The following CSMD3 variants were observed in gnomAD, a reference collection of about 807,000 sequenced individuals.
CSMD3 encodes the protein CUB and Sushi multiple domains 3.
Under a neutral mutation model 435.2 loss-of-function variants are expected in CSMD3, and 177 were observed. That is an observed-to-expected ratio of 0.41 (90% confidence interval 0.36 to 0.46). The LOEUF is 0.46. CSMD3 is among the 20% of genes least tolerant of loss of function. CSMD3 has a pLI of 0.34. For missense variants in CSMD3, 4,265 were observed against 4,504.6 expected, an observed-to-expected ratio of 0.95 and a Z score of 1.52; for synonymous variants, 1,656 against 1,520.5, an observed-to-expected ratio of 1.09 and a Z score of -2.07.
rs548885995 is a variant in CSMD3 at position 113,259,716 on chromosome 8, A to C, written c.514+18876T>G. On this transcript the variant is annotated intron_variant, in intron 3 of 70. Coordinates refer to ENST00000297405, the MANE Select transcript of CSMD3 (RefSeq NM_198123.2). ...ATGGGGCATCCTGGGAGGGAAAGCT[A>C]TGAAAATGCTTTAAGGAGTGTTAAA... Among the ~76,000 whole-genome samples, 74 of 152,292 alleles carry C rather than the reference A, an allele frequency of 4.9e-4. 1 individual carries two copies. The highest frequency in any genetic ancestry group is 1.7e-3 in the African/African-American group (72 of 41,586).
chr8:112,921,880 A>T (rs2082754885), intron 9 of CSMD3, 129 bp from the exon 10 acceptor site: 3 of 717,610 alleles, frequency 4.2e-6, no homozygotes, highest in Non-Finnish European at 7.4e-6. Context: ...TGGAAAACAA[A>T]ATGTGAAAGT....
chr8:112,443,165 G>C (rs1312849615), intron 32 of CSMD3, among the ~76,000 whole-genome samples: 2 of 152,184 alleles, frequency 1.3e-5, no homozygotes, highest in African/African-American at 2.4e-5. Flanking sequence ...TAAGACACTA[G>C]TGTTAAGTGA....
intron 1 of CSMD3, among the ~76,000 whole-genome samples, chr8:113,329,465 T>C (rs2094010590): frequency 6.6e-6 from 1 of 151,682 alleles, no homozygotes; most frequent in South Asian, 2.1e-4. Context: ...AAACAGAAAA[T>C]AATGAACATG....
intron 20 of CSMD3, among the ~76,000 whole-genome samples, chr8:112,639,896 T>C (rs781687916): frequency 2.0e-5 from 3 of 152,172 alleles, no homozygotes; most frequent in Non-Finnish European, 4.4e-5. Context: ...CATGAACATT[T>C]ATCTTTTGTG....
chr8:112,431,264 GT>G (rs1244607476), intron 32 of CSMD3, among the ~76,000 whole-genome samples: 1 of 151,974 alleles, frequency 6.6e-6, no homozygotes, highest in African/African-American at 2.4e-5. Flanking sequence ...TAATTTTTAA[GT>G]TTACCAAAAA....
intron 45 of CSMD3, among the ~76,000 whole-genome samples, chr8:112,334,312 T>G (rs1824365272): frequency 6.6e-6 from 1 of 152,228 alleles, no homozygotes; most frequent in Admixed American, 6.5e-5. Flanking sequence ...AGATCCCATG[T>G]GCTTTAAATG....
chr8:113,191,906 G>A (rs1440985950), intron 3 of CSMD3, among the ~76,000 whole-genome samples: 1 of 151,804 alleles, frequency 6.6e-6, no homozygotes, highest in African/African-American at 2.4e-5. Context: ...AGCCTTGCCA[G>A]CATCTGTTAT....
At chr8:112,984,582 T>C (rs2085179217) in intron 6 of CSMD3, among the ~76,000 whole-genome samples, 1 of 152,124 alleles carries the variant, frequency 6.6e-6, no homozygotes, top group Non-Finnish European at 1.5e-5. Flanking sequence ...TAGAGCTTCC[T>C]TCACTCAAAT....
chr8:112,590,718 C>G (rs564139887), intron 22 of CSMD3, among the ~76,000 whole-genome samples: 1 of 147,928 alleles, frequency 6.8e-6, no homozygotes, highest in East Asian at 2.0e-4. Flanking sequence ...GAATGAGGTA[C>G]ATTTATAAAA....
At chr8:112,438,494 T>A (rs1814625902) in intron 32 of CSMD3, among the ~76,000 whole-genome samples, 1 of 152,166 alleles carries the variant, frequency 6.6e-6, no homozygotes, top group Non-Finnish European at 1.5e-5. Flanking sequence ...AATTTCAGCA[T>A]CTCTTTTAAC....
At chr8:112,512,366 TA>T (rs1470847377) in intron 28 of CSMD3, among the ~76,000 whole-genome samples, 1 of 152,200 alleles carries the variant, frequency 6.6e-6, no homozygotes, top group African/African-American at 2.4e-5. Context: ...GTTATTGGCA[TA>T]AAAACATTAA....
At chr8:112,248,074 A>G (rs924001233) in intron 63 of CSMD3, among the ~76,000 whole-genome samples, 18 of 152,070 alleles carry the variant, frequency 1.2e-4, no homozygotes, top group African/African-American at 4.1e-4. Flanking sequence ...AGTAATGTAC[A>G]TGTAGTTTTA....
At chr8:113,312,814 G>C (rs961089994) in intron 2 of CSMD3, 3 of 151,988 alleles carry the variant, frequency 2.0e-5, no homozygotes, top group Admixed American at 6.6e-5. Context: ...TCAGACGTGC[G>C]TACCATAATG....
chr8:112,826,539 C>T (rs55654713), intron 12 of CSMD3, among the ~76,000 whole-genome samples: 2,008 of 152,252 alleles, frequency 0.013, 46 homozygotes, highest in African/African-American at 0.046. Context: ...GGGTAGCACA[C>T]TCCCTCACCA....
At chr8:112,832,723 C>G (rs2079911100) in intron 11 of CSMD3, among the ~76,000 whole-genome samples, 1 of 152,104 alleles carries the variant, frequency 6.6e-6, no homozygotes, top group Non-Finnish European at 1.5e-5. Context: ...CCCGGTACAA[C>G]CTTGAAAAGA....
intron 8 of CSMD3, among the ~76,000 whole-genome samples, chr8:112,954,168 GA>G (rs1385380892): frequency 1.3e-5 from 2 of 151,384 alleles, no homozygotes; most frequent in African/African-American, 4.8e-5. Context: ...TTCAAGAAGT[GA>G]ATAGCAATAA....
At chr8:113,219,222 C>T (rs1468430878) in intron 3 of CSMD3, among the ~76,000 whole-genome samples, 2 of 151,312 alleles carry the variant, frequency 1.3e-5, no homozygotes, top group African/African-American at 2.4e-5. Flanking sequence ...CATTGTAGAG[C>T]TACCAGTCAA....
Position 112,320,000 on chromosome 8 carries a change from T to G in CSMD3, c.7166-19A>C. On this transcript the variant is annotated intron_variant, in intron 45 of 70. Transcript: ENST00000297405. The stretch of plus-strand genomic sequence containing the variant: ...TGATAGGCTACAAAAATAAACAAAG[T>G]GTTTATTCCTTTTCTGTGCAGCTAC... 1 of 1,550,538 alleles carries G rather than the reference T, an allele frequency of 6.4e-7. No individual in the cohort carries two copies. The highest frequency in any genetic ancestry group is 2.2e-5 in the East Asian group (1 of 44,540).
chr8:112,984,917 T>A (rs2085195439), intron 6 of CSMD3, among the ~76,000 whole-genome samples: 1 of 152,084 alleles, frequency 6.6e-6, no homozygotes, highest in Non-Finnish European at 1.5e-5. Context: ...TTACATTCCA[T>A]CTTCTCTTTA....
Sources: gnomAD v4.1 joint callset for allele counts (sites outside exome capture counted in the v4.1 genomes callset) on GRCh38, gnomAD v4.1.1 for gene constraint, MANE v1.5 for transcripts, NCBI Gene and HGNC (gene_info 2026-07-23, HGNC 2026-07-21) for gene names.